The following RALGPS1 variants were observed in gnomAD, a reference collection of about 807,000 sequenced individuals.
RALGPS1 encodes Ral GEF with PH domain and SH3 binding motif 1.
Under a neutral mutation model 78.8 loss-of-function variants are expected in RALGPS1, and 19 were observed. The ratio of observed to expected loss-of-function variants is 0.24; its 90% CI spans 0.17 to 0.35. The LOEUF (loss-of-function observed/expected upper bound fraction) is 0.35. RALGPS1 is among the 10% of genes least tolerant of loss of function. The pLI is 1.00. For synonymous variants in RALGPS1, 228 were observed against 256.3 expected, an observed-to-expected ratio of 0.89 and a Z score of 1.06; for missense variants, 454 against 688.3, an observed-to-expected ratio of 0.66 and a Z score of 3.81.
At chr9:127,127,365 A>T (rs1425930869) in intron 8 of RALGPS1, among the ~76,000 whole-genome samples, 2 of 152,182 alleles carry the variant, frequency 1.3e-5, no homozygotes, top group Non-Finnish European at 2.9e-5. Flanking sequence ...TAGTTGTTCA[A>T]AACAGTCCAC....
chr9:126,951,328 G>A (rs777681), intron 1 of RALGPS1, among the ~76,000 whole-genome samples: 72,825 of 133,238 alleles, frequency 0.55, 23,443 homozygotes, highest in East Asian at 0.78. Flanking sequence ...TGAGGCCAGC[G>A]TCATCCTGAT....
At chr9:126,990,332 A>G (rs544324312) in intron 4 of RALGPS1, 3 of 241,154 alleles carry the variant, frequency 1.2e-5, no homozygotes, top group South Asian at 1.6e-4. Flanking sequence ...GTCTCCTCAC[A>G]TTGAGTTCCA....
chr9:127,013,723 AC>A (rs547535225), intron 4 of RALGPS1, among the ~76,000 whole-genome samples: 2 of 152,094 alleles, frequency 1.3e-5, no homozygotes, highest in South Asian at 4.2e-4. Flanking sequence ...GGGTGATTCC[AC>A]ATCTCTAAGG....
rs137974897 is a variant in RALGPS1, at chr9:127,115,112, C to T, written c.610+45756C>T. ...CCAGCTGTACTCTATCTCATTGGCT[C>T]TTAATAGCTCTATGAGTAGGGGACC... On this transcript the variant is annotated intron_variant, in intron 8 of 18. Coordinates refer to ENST00000259351, the MANE Select transcript of RALGPS1 (RefSeq NM_014636.3). Among the ~76,000 whole-genome samples, 43 of 152,284 alleles carry T rather than the reference C, an allele frequency of 2.8e-4. 2 individuals are homozygous for T. In the East Asian group the frequency reaches 8.3e-3, roughly 29 times the overall value.
chr9:127,063,448 A>G (rs1412592324), intron 7 of RALGPS1, among the ~76,000 whole-genome samples: 1 of 152,164 alleles, frequency 6.6e-6, no homozygotes, highest in East Asian at 1.9e-4. Context: ...CATTTTGCAT[A>G]TGTGGTTATA....
Position 126,962,735 on chromosome 9 carries a change from T to A in RALGPS1, c.57+389T>A, listed in dbSNP as rs185243093. On this transcript the variant is annotated intron_variant, in intron 2 of 18. Transcript: ENST00000259351. ...GGCCCTGGGTTCTTATTTACCTTGC[T>A]CAGTGGGAAATGGTTATAAGGACTG... Among the ~76,000 whole-genome samples, 1,213 of 152,314 alleles carry A rather than the reference T, an allele frequency of 8.0e-3. 24 individuals are homozygous for A. The highest frequency in any genetic ancestry group is 0.028 in the African/African-American group (1,147 of 41,564).
intron 4 of RALGPS1, among the ~76,000 whole-genome samples, chr9:127,031,245 G>A (rs72764357): frequency 1.3e-5 from 2 of 152,188 alleles, no homozygotes; most frequent in East Asian, 3.8e-4. Context: ...AGGCATTAGT[G>A]ACTGGAAGAG....
At chr9:127,210,771 G>T in intron 14 of RALGPS1, 1 of 1,550,012 alleles carries the variant, frequency 6.5e-7, no homozygotes, top group Non-Finnish European at 8.7e-7. Flanking sequence ...CCGGAGCTGT[G>T]TCTACAGGTA....
At chr9:127,124,273 G>A (rs2056433172) in intron 8 of RALGPS1, among the ~76,000 whole-genome samples, 1 of 152,210 alleles carries the variant, frequency 6.6e-6, no homozygotes, top group Admixed American at 6.5e-5. Context: ...TGTTCACCAG[G>A]GCACTCTCTT....
intron 5 of RALGPS1, among the ~76,000 whole-genome samples, chr9:127,036,258 G>A (rs965134908): frequency 2.0e-5 from 3 of 152,260 alleles, no homozygotes; most frequent in African/African-American, 7.2e-5. Flanking sequence ...GGTAGCTCTG[G>A]TTTGAAAATT....
chr9:126,934,854 C>T (rs1564273919), intron 1 of RALGPS1, among the ~76,000 whole-genome samples: 2 of 152,158 alleles, frequency 1.3e-5, no homozygotes, highest in Non-Finnish European at 2.9e-5. Flanking sequence ...CTTTCCAGTT[C>T]ACCTCCCTTC....
chr9:127,100,434 C>A (rs182225071), intron 8 of RALGPS1, among the ~76,000 whole-genome samples: 1 of 152,178 alleles, frequency 6.6e-6, no homozygotes, highest in Non-Finnish European at 1.5e-5. Flanking sequence ...CAAAGCATTG[C>A]GTCGCTCTTA....
intron 1 of RALGPS1, among the ~76,000 whole-genome samples, chr9:126,944,177 G>A (rs1489595859): frequency 4.6e-5 from 7 of 152,240 alleles, no homozygotes; most frequent in African/African-American, 1.7e-4. Flanking sequence ...CATGCACGCA[G>A]GAGTCAGAGA....
At chr9:127,017,049 A>G (rs2044905694) in intron 4 of RALGPS1, 2 of 152,220 alleles carry the variant, frequency 1.3e-5, no homozygotes, top group South Asian at 4.1e-4. Context: ...ACTTACTACA[A>G]AAAGGAAAGT....
At chr9:127,134,162 CA>C (rs2057234062) in intron 8 of RALGPS1, among the ~76,000 whole-genome samples, 1 of 152,154 alleles carries the variant, frequency 6.6e-6, no homozygotes, top group Non-Finnish European at 1.5e-5. Flanking sequence ...CCTCCACACA[CA>C]GGGGGGGTCT....
intron 8 of RALGPS1, among the ~76,000 whole-genome samples, chr9:127,162,362 G>C (rs2059069786): frequency 6.6e-6 from 1 of 152,164 alleles, no homozygotes; most frequent in African/African-American, 2.4e-5. Flanking sequence ...AGTGGAAGGT[G>C]GTTATTCTTA....
At position 127,033,460 on chromosome 9, in the gene RALGPS1, G is replaced by A. The variant is rs143077968; in HGVS notation, c.217-971G>A. 1.0e-3 allele frequency among the ~76,000 whole-genome samples: 158 copies of A among 152,234 alleles called. No individual in the cohort carries two copies. In the East Asian group the frequency reaches 0.017, roughly 16 times the overall value. On this transcript the variant is annotated intron_variant, in intron 4 of 18. Coordinates refer to ENST00000259351, the MANE Select transcript of RALGPS1 (RefSeq NM_014636.3). The stretch of plus-strand genomic sequence containing the variant: ...AGGAGACCCCTGATCTGTATCTATT[G>A]TAGCTGCTGGGCAGCTGCCTCTCAC...
intron 8 of RALGPS1, among the ~76,000 whole-genome samples, chr9:127,113,458 C>G (rs1288316183): frequency 1.3e-5 from 2 of 151,726 alleles, no homozygotes; most frequent in African/African-American, 2.4e-5. Flanking sequence ...CTTTTGCTCT[C>G]TTGATATTTA....
intron 8 of RALGPS1, among the ~76,000 whole-genome samples, chr9:127,072,540 T>G (rs1221437168): frequency 6.6e-6 from 1 of 152,238 alleles, no homozygotes; most frequent in Non-Finnish European, 1.5e-5. Context: ...GTAATGCTTC[T>G]ATGAATGGCT....
Sources: allele counts gnomAD v4.1 joint callset (sites outside exome capture counted in the v4.1 genomes callset), GRCh38; gene constraint gnomAD v4.1.1; transcripts MANE v1.5; gene names NCBI Gene and HGNC (gene_info 2026-07-23, HGNC 2026-07-21).